Variants in N4BP2 observed in about 807,000 individuals in gnomAD.
The protein encoded by N4BP2 is NEDD4 binding protein 2.
Under a neutral mutation model 152.8 loss-of-function variants are expected in N4BP2, and 91 were observed. The observed-to-expected ratio is 0.60, with a 90% confidence interval of 0.50 to 0.71. The LOEUF (loss-of-function observed/expected upper bound fraction) is 0.71. N4BP2 is among the 30% of genes least tolerant of loss of function. The pLI, the probability that N4BP2 is intolerant of heterozygous loss-of-function variation, is 0.00. For missense variants in N4BP2, 1,923 were observed against 2,059.1 expected (o/e 0.93, Z 1.28); for synonymous variants, 646 against 705.3 (o/e 0.92, Z 1.33).
At chr4:40,174,893 C>T in the N4BP2 span, among the ~76,000 whole-genome samples, 1 of 148,916 alleles carries the variant, frequency 6.7e-6, no homozygotes, top group African/African-American at 2.5e-5. Flanking sequence ...TATTATTCAG[C>T]CTAAAAAAAA....
intron 2 of N4BP2, among the ~76,000 whole-genome samples, chr4:40,095,201 C>T (rs1191614694): frequency 6.6e-6 from 1 of 152,120 alleles, no homozygotes; most frequent in Non-Finnish European, 1.5e-5. Context: ...CTGCTTCAGC[C>T]TCCTGAGTAG....
chr4:40,147,014 A>G (rs967380024), intron 16 of N4BP2, among the ~76,000 whole-genome samples: 3 of 149,512 alleles, frequency 2.0e-5, no homozygotes, highest in African/African-American at 7.4e-5. Context: ...GCAGATAAAC[A>G]AGTGAACAAA....
chr4:40,061,947 G>A (rs540778296), intron 1 of N4BP2, among the ~76,000 whole-genome samples: 1 of 152,240 alleles, frequency 6.6e-6, no homozygotes, highest in East Asian at 1.9e-4. Flanking sequence ...TTACAGGTGT[G>A]AACCACCATG....
intron 2 of N4BP2, among the ~76,000 whole-genome samples, chr4:40,084,596 C>G (rs1356109384): frequency 2.0e-5 from 3 of 149,960 alleles, no homozygotes; most frequent in African/African-American, 7.3e-5. Context: ...CCTCCACGCC[C>G]AGCCAAATTT....
At chr4:40,072,692 G>A (rs77698991) in intron 1 of N4BP2, among the ~76,000 whole-genome samples, 8,239 of 151,126 alleles carry the variant, frequency 0.055, 282 homozygotes, top group Non-Finnish European at 0.068. Context: ...TACCACTCCC[G>A]GCCCCAGATA....
chr4:40,181,358 C>T, the N4BP2 span, among the ~76,000 whole-genome samples: 10 of 152,270 alleles, frequency 6.6e-5, no homozygotes, highest in African/African-American at 1.7e-4. Context: ...GTCATCCCTT[C>T]TTCTCAAAAC....
chr4:40,087,304 G>A (rs1000018253), intron 2 of N4BP2, among the ~76,000 whole-genome samples: 2 of 151,624 alleles, frequency 1.3e-5, no homozygotes, highest in East Asian at 3.9e-4. Flanking sequence ...GAAGCTTCTT[G>A]TGTTAATGGT....
rs866710409 is a variant in N4BP2, at chr4:40,124,676, G to C, written c.4330+471G>C. ...CTTTAAAAATATTTAATATTTTATT[G>C]ATATGAAATAAAATAAAACTTAAAG... On this transcript the variant is annotated intron_variant, in intron 11 of 17. Transcript: ENST00000261435. Among the ~76,000 whole-genome samples, 7 of 152,024 alleles carry C rather than the reference G, an allele frequency of 4.6e-5. No individual in the cohort carries two copies. The South Asian group carries it at 8.3e-4, about 18-fold the overall frequency.
rs1336532994 is a variant in N4BP2 at position 40,091,673 on chromosome 4, A to G, written c.-114-5554A>G. ...CAGGCTGGAGCATAGTGGTGTGATC[A>G]TGGCTCACTGAAGCCTCGACCACCT... On this transcript the variant is annotated intron_variant, in intron 2 of 17. Coordinates refer to ENST00000261435, the MANE Select transcript of N4BP2 (RefSeq NM_018177.6). Among the ~76,000 whole-genome samples the G allele has an allele frequency of 3.0e-5, 4 of 131,544 alleles. No homozygotes were observed. In the South Asian group the frequency reaches 6.9e-4, roughly 23 times the overall value. 86.3% of individuals were successfully genotyped at this position (131,544 alleles called of 152,430 possible).
At chr4:40,142,559 A>G (rs1052176856) in intron 14 of N4BP2, 114 bp from the exon 15 acceptor site, 2 of 660,594 alleles carry the variant, frequency 3.0e-6, no homozygotes, top group African/African-American at 1.8e-5. Flanking sequence ...TTTCCTGAGG[A>G]GAGAGATGAA....
At chr4:40,071,774 C>T (rs370395613) in intron 1 of N4BP2, among the ~76,000 whole-genome samples, 3 of 152,264 alleles carry the variant, frequency 2.0e-5, no homozygotes, top group African/African-American at 7.2e-5. Flanking sequence ...CCATATTGGC[C>T]AGGCTGGTCT....
intron 13 of N4BP2, among the ~76,000 whole-genome samples, chr4:40,133,468 A>G (rs1317117784): frequency 6.6e-6 from 1 of 151,420 alleles, no homozygotes; most frequent in Non-Finnish European, 1.5e-5. Flanking sequence ...CCTAAGTAGC[A>G]GGGATTACAG....
At chr4:40,098,226 A>C (rs756495675) in intron 3 of N4BP2, among the ~76,000 whole-genome samples, 3 of 152,262 alleles carry the variant, frequency 2.0e-5, no homozygotes, top group Non-Finnish European at 4.4e-5. Flanking sequence ...GCAGAATAGT[A>C]TAATTTCAAA....
intron 2 of N4BP2, among the ~76,000 whole-genome samples, chr4:40,085,200 C>T (rs1182490133): frequency 6.6e-6 from 1 of 151,892 alleles, no homozygotes; most frequent in Non-Finnish European, 1.5e-5. Context: ...CGTGAGCTAC[C>T]ACACCCGGCC....
At chr4:40,180,056 G>A in the N4BP2 span, among the ~76,000 whole-genome samples, 1 of 152,038 alleles carries the variant, frequency 6.6e-6, no homozygotes. Context: ...GAGCCACCGC[G>A]CCTGGCCTAG....
At chr4:40,068,426 T>C (rs571625314) in intron 1 of N4BP2, among the ~76,000 whole-genome samples, 14 of 152,352 alleles carry the variant, frequency 9.2e-5, no homozygotes, top group African/African-American at 3.1e-4. Context: ...CCCGTTTTCT[T>C]CTACGAGTTT....
rs11947064 is a variant in N4BP2, at chr4:40,087,038, C to T, written c.-114-10189C>T. Among the ~76,000 whole-genome samples, 996 of 152,264 alleles carry T rather than the reference C, an allele frequency of 6.5e-3. 10 individuals are homozygous for T. The highest frequency in any genetic ancestry group is 0.023 in the African/African-American group (943 of 41,552). On this transcript the variant is annotated intron_variant, in intron 2 of 17. Coordinates refer to ENST00000261435, the MANE Select transcript of N4BP2 (RefSeq NM_018177.6). ...TGCTGGCATTATAGGTGTAAGCCATCGTGCCTGGTGTAATTACATTTTTTG... is the reference window on the plus strand; with the variant it reads ...TGCTGGCATTATAGGTGTAAGCCATTGTGCCTGGTGTAATTACATTTTTTG...
At chr4:40,085,583 A>G (rs1160713962) in intron 2 of N4BP2, among the ~76,000 whole-genome samples, 4 of 152,036 alleles carry the variant, frequency 2.6e-5, no homozygotes, top group Non-Finnish European at 5.9e-5. Flanking sequence ...AAGCTTCCAG[A>G]GTCGCTGGAA....
chr4:40,083,721 C>T (rs1464837060), intron 2 of N4BP2, among the ~76,000 whole-genome samples: 2 of 152,158 alleles, frequency 1.3e-5, no homozygotes, highest in East Asian at 3.9e-4. Context: ...GGGGTTTCTT[C>T]TTGAGTTAAT....
Sources: allele counts gnomAD v4.1 joint callset (sites outside exome capture counted in the v4.1 genomes callset), GRCh38; gene constraint gnomAD v4.1.1; transcripts MANE v1.5; gene names NCBI Gene and HGNC (gene_info 2026-07-23, HGNC 2026-07-21).